Variants in PLCB1 observed in about 807,000 individuals in gnomAD.
PLCB1 encodes the protein 1-phosphatidylinositol 4,5-bisphosphate phosphodiesterase beta-1.
A neutral mutation model predicts 161.8 loss-of-function variants in PLCB1; 46 were observed. That is an observed-to-expected ratio of 0.28 (90% CI 0.22 to 0.36). The LOEUF (loss-of-function observed/expected upper bound fraction) is 0.36. Among genes scored for constraint, PLCB1 ranks in the 10% least tolerant of loss-of-function variants. The pLI is 1.00. For missense variants in PLCB1, 1,016 were observed against 1,472.5 expected (o/e 0.69, Z 5.07); for synonymous variants, 517 against 503.7 (o/e 1.03, Z -0.35).
intron 3 of PLCB1, among the ~76,000 whole-genome samples, chr20:8,508,827 A>G (rs1217016115): frequency 6.6e-6 from 1 of 152,120 alleles, no homozygotes; most frequent in East Asian, 1.9e-4. Context: ...CTATGTATAC[A>G]ATGAAAACTG....
intron 3 of PLCB1, among the ~76,000 whole-genome samples, chr20:8,558,319 G>T (rs770349539): frequency 1.0e-4 from 15 of 150,446 alleles, no homozygotes; most frequent in Non-Finnish European, 2.2e-4. Flanking sequence ...ACAAAATAAA[G>T]AATTAAATAA....
intron 31 of PLCB1, among the ~76,000 whole-genome samples, chr20:8,846,486 A>G (rs1986696200): frequency 6.6e-6 from 1 of 152,160 alleles, no homozygotes; most frequent in South Asian, 2.1e-4. Context: ...TTCTATTAAA[A>G]TGCAGATTTT....
intron 25 of PLCB1, among the ~76,000 whole-genome samples, chr20:8,761,471 G>A (rs763601434): frequency 4.6e-5 from 7 of 152,282 alleles, no homozygotes; most frequent in African/African-American, 7.2e-5. Flanking sequence ...TAAAATATGC[G>A]TAGAAAAATT....
intron 18 of PLCB1, among the ~76,000 whole-genome samples, chr20:8,732,816 G>C (rs1002780587): frequency 1.4e-5 from 2 of 140,698 alleles, no homozygotes; most frequent in African/African-American, 5.2e-5. Flanking sequence ...TTAGATATTA[G>C]ATATTTTGTA....
chr20:8,327,907 T>C (rs537201723), intron 2 of PLCB1, among the ~76,000 whole-genome samples: 14 of 151,562 alleles, frequency 9.2e-5, no homozygotes, highest in South Asian at 4.1e-4. Flanking sequence ...TATATATATA[T>C]ACACACACAC....
At chr20:8,702,253 G>A (rs546053537) in intron 11 of PLCB1, among the ~76,000 whole-genome samples, 3 of 151,930 alleles carry the variant, frequency 2.0e-5, no homozygotes, top group African/African-American at 4.8e-5. Flanking sequence ...AGCCTTCCTG[G>A]TGGCCATGAC....
chr20:8,674,263 A>G (rs902714754), intron 9 of PLCB1, among the ~76,000 whole-genome samples: 3 of 152,242 alleles, frequency 2.0e-5, no homozygotes, highest in Non-Finnish European at 4.4e-5. Context: ...GAGTGCCAGC[A>G]GGAGAGATTG....
chr20:8,554,905 G>C (rs6108152), intron 3 of PLCB1, among the ~76,000 whole-genome samples: 1 of 151,826 alleles, frequency 6.6e-6, no homozygotes. Context: ...TTACTGGGAC[G>C]TGTACTTTTG....
chr20:8,386,680 GGCATTGACTTCTCTCAAGA>G (rs1987434654), intron 3 of PLCB1, among the ~76,000 whole-genome samples: 1 of 152,186 alleles, frequency 6.6e-6, no homozygotes, highest in Non-Finnish European at 1.5e-5. Flanking sequence ...TTTGAAGTCA[GGCATTGACTTCTCTCAAGA>G]TATGAAGGTA....
At chr20:8,664,182 C>A (rs2123342485) in intron 9 of PLCB1, among the ~76,000 whole-genome samples, 1 of 152,172 alleles carries the variant, frequency 6.6e-6, no homozygotes, top group South Asian at 2.1e-4. Flanking sequence ...AACTACATTC[C>A]TTTTATCATC....
chr20:8,235,008 T>A (rs1980246700), intron 2 of PLCB1, among the ~76,000 whole-genome samples: 1 of 152,132 alleles, frequency 6.6e-6, no homozygotes, highest in South Asian at 2.1e-4. Context: ...TTTTCAATAA[T>A]GATTTTTACA....
intron 2 of PLCB1, among the ~76,000 whole-genome samples, chr20:8,282,576 G>A (rs769045284): frequency 1.3e-5 from 2 of 152,088 alleles, no homozygotes; most frequent in African/African-American, 4.8e-5. Context: ...TGTTATATCC[G>A]GCAAAGAAAA....
intron 9 of PLCB1, among the ~76,000 whole-genome samples, chr20:8,678,000 A>G (rs541040053): frequency 2.0e-5 from 3 of 152,350 alleles, no homozygotes; most frequent in South Asian, 4.1e-4. Context: ...ATTGGAGCAG[A>G]TAAAAGGCTC....
chr20:8,741,802 A>G (rs960414074), intron 23 of PLCB1, among the ~76,000 whole-genome samples: 4 of 152,234 alleles, frequency 2.6e-5, no homozygotes, highest in African/African-American at 9.6e-5. Context: ...TTATCTTGTG[A>G]TAAAATTAAA....
intron 2 of PLCB1, among the ~76,000 whole-genome samples, chr20:8,306,874 T>C (rs565928284): frequency 2.6e-5 from 4 of 152,352 alleles, no homozygotes; most frequent in Admixed American, 2.6e-4. Flanking sequence ...TTTACAAGCA[T>C]TAACCAAATC....
At chr20:8,604,252 C>CA (rs34186286) in intron 3 of PLCB1, among the ~76,000 whole-genome samples, 7,635 of 51,344 alleles carry the variant, frequency 0.15, 1,466 homozygotes, top group Middle Eastern at 0.26. Flanking sequence ...GGCCCTGTCT[C>CA]AAAAAAAAAA....
chr20:8,790,116 G>A, intron 30 of PLCB1, 59 bp from the exon 31 acceptor site: 2 of 1,212,310 alleles, frequency 1.6e-6, no homozygotes, highest in South Asian at 1.3e-5. Context: ...GGTATTTTCT[G>A]AAAACGTGCA....
At chr20:8,474,601 G>A (rs760273574) in intron 3 of PLCB1, among the ~76,000 whole-genome samples, 3 of 152,064 alleles carry the variant, frequency 2.0e-5, no homozygotes, top group Non-Finnish European at 4.4e-5. Context: ...CCCTCATAAG[G>A]GACTGACTAT....
chr20:8,245,906 G>GA lies in PLCB1; in HGVS notation c.177+95541dup, dbSNP rs535591862. Among the ~76,000 whole-genome samples, 30 of 151,952 alleles carry GA rather than the reference G, an allele frequency of 2.0e-4. 1 individual carries two copies. The South Asian group carries it at 4.8e-3, about 24-fold the overall frequency. ...AACTCTTTCCAAATGAGGGAATTAAGAAAAAATTGAAATAATTTTCACAAA... is the reference window on the plus strand; with the variant it reads ...AACTCTTTCCAAATGAGGGAATTAAGAAAAAAATTGAAATAATTTTCACAAA... On this transcript the variant is annotated intron_variant, in intron 2 of 31. Coordinates refer to ENST00000338037, the MANE Select transcript of PLCB1 (RefSeq NM_015192.4).
Sources: gnomAD v4.1 joint callset for allele counts (sites outside exome capture counted in the v4.1 genomes callset) on GRCh38, gnomAD v4.1.1 for gene constraint, MANE v1.5 for transcripts, NCBI Gene and HGNC (gene_info 2026-07-23, HGNC 2026-07-21) for gene names.